Variants in ABAT observed in about 807,000 individuals in gnomAD.
ABAT encodes the protein 4-aminobutyrate aminotransferase, mitochondrial.
ABAT carries 45 observed loss-of-function variants against 64.6 expected under a neutral mutation model. The ratio of observed to expected loss-of-function variants is 0.70; its 90% CI spans 0.55 to 0.89. The LOEUF is 0.89. Ranked by LOEUF, ABAT falls within the 40% of genes least tolerant of loss-of-function variation. The pLI, the probability that ABAT is intolerant of heterozygous loss-of-function variation, is 0.00. For missense variants in ABAT, 633 were observed against 658.4 expected (o/e 0.96, Z 0.42); for synonymous variants, 297 against 250.5 (o/e 1.19, Z -1.75).
intron 1 of ABAT, among the ~76,000 whole-genome samples, chr16:8,729,994 G>A (rs1186961459): frequency 6.6e-6 from 1 of 152,130 alleles, no homozygotes; most frequent in Non-Finnish European, 1.5e-5. Flanking sequence ...GGAAGGAAGT[G>A]CAGAGCAGAC....
intron 1 of ABAT, among the ~76,000 whole-genome samples, chr16:8,721,820 A>C (rs1436503919): frequency 6.6e-6 from 1 of 152,150 alleles, no homozygotes; most frequent in Non-Finnish European, 1.5e-5. Context: ...CACCAGACAC[A>C]CGAAGGAAGC....
chr16:8,770,378 C>A (rs1412397782), intron 11 of ABAT, among the ~76,000 whole-genome samples: 1 of 152,118 alleles, frequency 6.6e-6, no homozygotes, highest in East Asian at 1.9e-4. Context: ...ACCTTGTGAT[C>A]CGCCCGCCTC....
chr16:8,753,997 A>T (rs150700163), intron 5 of ABAT, among the ~76,000 whole-genome samples: 1 of 151,930 alleles, frequency 6.6e-6, no homozygotes, highest in Non-Finnish European at 1.5e-5. Flanking sequence ...CAACAGAAAG[A>T]TTGTTCCTAC....
chr16:8,696,038 G>C (rs1395490039), intron 1 of ABAT, among the ~76,000 whole-genome samples: 3 of 152,192 alleles, frequency 2.0e-5, no homozygotes, highest in Admixed American at 1.3e-4. Context: ...CCAAGGCAAG[G>C]AGCTTTCTTA....
At chr16:8,762,427 G>C (rs983327547) in intron 6 of ABAT, among the ~76,000 whole-genome samples, 2 of 152,170 alleles carry the variant, frequency 1.3e-5, no homozygotes, top group African/African-American at 4.8e-5. Context: ...AGAGTCTCCA[G>C]TTTGGCAGAT....
chr16:8,750,303 C>A, intron 4 of ABAT, 119 bp from the exon 5 acceptor site: 1 of 898,252 alleles, frequency 1.1e-6, no homozygotes. Context: ...CCCACAGATG[C>A]CTCTGTGTGT....
At chr16:8,761,563 G>A (rs1596462677) in intron 6 of ABAT, among the ~76,000 whole-genome samples, 1 of 152,222 alleles carries the variant, frequency 6.6e-6, no homozygotes, top group Non-Finnish European at 1.5e-5. Context: ...CTCCGTCCCA[G>A]TCTGGGTTGG....
intron 1 of ABAT, among the ~76,000 whole-genome samples, chr16:8,677,778 T>G (rs1277613899): frequency 6.6e-6 from 1 of 152,200 alleles, no homozygotes; most frequent in Non-Finnish European, 1.5e-5. Context: ...ATACATGGCC[T>G]TAAACATAGT....
intron 1 of ABAT, among the ~76,000 whole-genome samples, chr16:8,707,850 G>T (rs1310372197): frequency 6.6e-6 from 1 of 152,242 alleles, no homozygotes; most frequent in East Asian, 1.9e-4. Flanking sequence ...GATTACAGGA[G>T]TGAGCCACTG....
intron 1 of ABAT, among the ~76,000 whole-genome samples, chr16:8,707,863 C>T (rs367982468): frequency 3.3e-5 from 5 of 152,156 alleles, no homozygotes; most frequent in African/African-American, 1.2e-4. Context: ...AGCCACTGCA[C>T]CCGGCCAGGA....
At chr16:8,729,544 G>GTCT (rs2058658348) in intron 1 of ABAT, among the ~76,000 whole-genome samples, 1 of 152,114 alleles carries the variant, frequency 6.6e-6, no homozygotes, top group Non-Finnish European at 1.5e-5. Context: ...CAAAGACCAG[G>GTCT]CACCATGCCT....
At chr16:8,779,283 A>G (rs2060361301) in intron 14 of ABAT, among the ~76,000 whole-genome samples, 196 bp from the exon 15 acceptor site, 1 of 152,164 alleles carries the variant, frequency 6.6e-6, no homozygotes, top group South Asian at 2.1e-4. Context: ...TTTCCTCCAC[A>G]CAACACACAT....
At chr16:8,765,571 G>T (rs973382632) in intron 8 of ABAT, among the ~76,000 whole-genome samples, 2 of 151,854 alleles carry the variant, frequency 1.3e-5, no homozygotes, top group Admixed American at 6.6e-5. Context: ...AGGCTGAGGT[G>T]GGAGGATCAC....
In ABAT at chr16:8,764,706, G is replaced by T. The variant is rs1161856235; in HGVS notation, c.448-32G>T. The T allele has an allele frequency of 9.4e-6, 15 of 1,598,942 alleles. No homozygotes were observed. The highest frequency in any genetic ancestry group is 1.3e-5 in the Non-Finnish European group (15 of 1,166,322). Reference sequence around the variant, plus strand: ...AGCGGGAGGACAGGAGTCATGATGAGCCTGGGCTCACGGCTATTTCCCTCC... The same window carrying T: ...AGCGGGAGGACAGGAGTCATGATGATCCTGGGCTCACGGCTATTTCCCTCC... On this transcript the variant is annotated intron_variant, in intron 7 of 15. Transcript: ENST00000268251. The surrounding 1 kb of genome is among the most constrained non-coding windows in gnomAD (Gnocchi z 4.2).
chr16:8,726,278 T>TTTTTTTTG (rs1596424887), intron 1 of ABAT, among the ~76,000 whole-genome samples: 2 of 149,734 alleles, frequency 1.3e-5, no homozygotes, highest in Admixed American at 6.7e-5. Flanking sequence ...TTTTTTTTTT[T>TTTTTTTTG]GAGATGGAGT....
intron 1 of ABAT, among the ~76,000 whole-genome samples, chr16:8,717,575 A>G (rs2058248574): frequency 6.6e-6 from 1 of 152,162 alleles, no homozygotes; most frequent in Admixed American, 6.5e-5. Context: ...AAGTTACATT[A>G]ATACACACTG....
chr16:8,761,055 G>A (rs1460579574), intron 6 of ABAT, among the ~76,000 whole-genome samples: 1 of 149,906 alleles, frequency 6.7e-6, no homozygotes, highest in Admixed American at 6.8e-5. Context: ...CAGCCTGGGT[G>A]ACAGAGCGAG....
intron 1 of ABAT, among the ~76,000 whole-genome samples, chr16:8,702,126 G>A (rs973180123): frequency 1.3e-5 from 2 of 152,114 alleles, no homozygotes; most frequent in South Asian, 2.1e-4. Flanking sequence ...ATGGTTCTGC[G>A]GGCTGTACAG....
chr16:8,771,990 C>T (rs2060123213), intron 11 of ABAT, among the ~76,000 whole-genome samples: 1 of 152,078 alleles, frequency 6.6e-6, no homozygotes, highest in Non-Finnish European at 1.5e-5. Context: ...GTCTCAAACT[C>T]CTGGCCTCAA....
Sources: allele counts gnomAD v4.1 joint callset (sites outside exome capture counted in the v4.1 genomes callset), GRCh38; gene constraint gnomAD v4.1.1; non-coding constraint Gnocchi (gnomAD v3.1); transcripts MANE v1.5; gene names NCBI Gene and HGNC (gene_info 2026-07-23, HGNC 2026-07-21).